The following DPYD variants were observed in gnomAD, a reference collection of about 807,000 sequenced individuals.
The protein encoded by DPYD is dihydropyrimidine dehydrogenase.
In DPYD, 109 loss-of-function variants were observed where a neutral mutation model predicts 116.2. The ratio of observed to expected loss-of-function variants is 0.94; its 90% CI spans 0.80 to 1.10. The LOEUF (loss-of-function observed/expected upper bound fraction) is 1.10, where lower values mean the gene tolerates loss of function less well. Among genes scored for constraint, DPYD ranks in the 50% least tolerant of loss-of-function variants. DPYD has a pLI of 0.00. For synonymous variants in DPYD, 440 were observed against 432.0 expected (o/e 1.02, Z -0.23); for missense variants, 1,302 against 1,254.5 (o/e 1.04, Z -0.57).
chr1:97,920,993 C>T lies in DPYD; in HGVS notation c.-71G>A. 1 of 1,537,484 alleles carries T rather than the reference C, an allele frequency of 6.5e-7. No homozygotes were observed. The highest frequency in any genetic ancestry group is 2.5e-5 in the East Asian group (1 of 40,766). ...CGTCCTCAAGCTCCAGCCAGAGAGC[C>T]AAGTGACAGCAGCCGGAGCGCGAGT... On this transcript the variant is annotated 5_prime_UTR_variant, in exon 1 of 23. Coordinates refer to ENST00000370192, the MANE Select transcript of DPYD (RefSeq NM_000110.4).
chr1:97,194,149 A>G (rs1175296005), intron 19 of DPYD, among the ~76,000 whole-genome samples: 1 of 152,184 alleles, frequency 6.6e-6, no homozygotes, highest in Non-Finnish European at 1.5e-5. Context: ...ATGAATGAAT[A>G]ATGATGATAT....
chr1:97,354,437 G>A (rs1363822383), intron 16 of DPYD, among the ~76,000 whole-genome samples: 1 of 152,252 alleles, frequency 6.6e-6, no homozygotes, highest in East Asian at 1.9e-4. Context: ...TAAACAAAAT[G>A]ATTTTTGAGT....
At chr1:97,537,070 A>G (rs908481520) in intron 12 of DPYD, among the ~76,000 whole-genome samples, 1 of 152,316 alleles carries the variant, frequency 6.6e-6, no homozygotes. Flanking sequence ...GATAATGATA[A>G]CAAGTGTCTT....
chr1:97,447,135 G>T (rs531744359), intron 14 of DPYD, among the ~76,000 whole-genome samples: 34 of 152,284 alleles, frequency 2.2e-4, no homozygotes, highest in African/African-American at 7.5e-4. Flanking sequence ...TGGAAACAGA[G>T]ACATTAGCTA....
At chr1:97,340,078 TAA>T (rs1377883655) in intron 16 of DPYD, among the ~76,000 whole-genome samples, 1 of 151,892 alleles carries the variant, frequency 6.6e-6, no homozygotes, top group Non-Finnish European at 1.5e-5. Context: ...ATTTCCAAAT[TAA>T]GAGACTTTTA....
intron 16 of DPYD, among the ~76,000 whole-genome samples, chr1:97,334,114 T>C (rs922737411): frequency 2.6e-5 from 4 of 152,210 alleles, no homozygotes; most frequent in Non-Finnish European, 5.9e-5. Flanking sequence ...ATTATAATGA[T>C]ACTTGGGGAT....
chr1:97,102,396 C>CATATATAT (rs372249411), intron 20 of DPYD, among the ~76,000 whole-genome samples: 11,741 of 97,008 alleles, frequency 0.12, 1,178 homozygotes, highest in African/African-American at 0.21. Flanking sequence ...CACTCAGTAT[C>CATATATAT]ATATATATAT....
intron 2 of DPYD, among the ~76,000 whole-genome samples, chr1:97,881,180 G>A (rs1212644811): frequency 1.3e-5 from 2 of 152,016 alleles, no homozygotes; most frequent in Non-Finnish European, 2.9e-5. Context: ...TATATTTGGA[G>A]AGAGAGTCTT....
intron 12 of DPYD, among the ~76,000 whole-genome samples, chr1:97,521,209 C>T (rs1648634945): frequency 6.6e-6 from 1 of 152,180 alleles, no homozygotes; most frequent in Non-Finnish European, 1.5e-5. Context: ...TTTTGATTTG[C>T]ATTTCTCTAA....
intron 18 of DPYD, among the ~76,000 whole-genome samples, chr1:97,279,518 T>C (rs1157680565): frequency 6.6e-6 from 1 of 152,042 alleles, no homozygotes; most frequent in Non-Finnish European, 1.5e-5. Context: ...TGTTTGTTTG[T>C]TTGTTTACTT....
At chr1:97,095,423 A>G (rs1314541252) in intron 21 of DPYD, among the ~76,000 whole-genome samples, 1 of 152,132 alleles carries the variant, frequency 6.6e-6, no homozygotes, top group African/African-American at 2.4e-5. Context: ...ATAAAGTTAT[A>G]ACTGTACATG....
intron 20 of DPYD, among the ~76,000 whole-genome samples, chr1:97,101,887 G>A (rs1165491227): frequency 1.3e-5 from 2 of 151,918 alleles, no homozygotes; most frequent in African/African-American, 4.8e-5. Context: ...AGTTTCTCCA[G>A]GGATTCATCA....
chr1:97,642,053 A>G (rs1657939257), intron 8 of DPYD, among the ~76,000 whole-genome samples: 1 of 152,182 alleles, frequency 6.6e-6, no homozygotes, highest in Admixed American at 6.6e-5. Context: ...AGGGGTGTGA[A>G]GGACCTCCTC....
At chr1:97,635,868 G>A (rs1308270404) in intron 8 of DPYD, among the ~76,000 whole-genome samples, 1 of 152,128 alleles carries the variant, frequency 6.6e-6, no homozygotes, top group Non-Finnish European at 1.5e-5. Context: ...TGCCCTGGCT[G>A]GAATGCAGTG....
chr1:97,423,711 G>A (rs1674710737), intron 14 of DPYD, among the ~76,000 whole-genome samples: 1 of 152,026 alleles, frequency 6.6e-6, no homozygotes, highest in African/African-American at 2.4e-5. Context: ...TCAGACAATT[G>A]AATCACCAAC....
chr1:97,373,757 C>G, intron 15 of DPYD, 113 bp from the exon 16 acceptor site: 1 of 902,198 alleles, frequency 1.1e-6, no homozygotes, highest in Non-Finnish European at 1.8e-6. Flanking sequence ...ATTCTGTTTT[C>G]TGCATCACAG....
At chr1:97,228,922 G>A (rs995875474) in intron 19 of DPYD, among the ~76,000 whole-genome samples, 5 of 152,118 alleles carry the variant, frequency 3.3e-5, no homozygotes, top group Admixed American at 1.3e-4. Flanking sequence ...GGCTGGGTGC[G>A]GTGGCTCATG....
intron 16 of DPYD, among the ~76,000 whole-genome samples, chr1:97,321,437 A>G (rs1344212346): frequency 5.4e-5 from 2 of 37,320 alleles, no homozygotes; most frequent in Non-Finnish European, 1.4e-4. Flanking sequence ...ATGAACAGAC[A>G]CTTCTCAAAA....
chr1:97,277,780 C>T (rs1665043330), intron 18 of DPYD, among the ~76,000 whole-genome samples: 1 of 152,178 alleles, frequency 6.6e-6, no homozygotes, highest in Admixed American at 6.5e-5. Flanking sequence ...GTCTGCTACA[C>T]AACAGCCATG....
Sources: gnomAD v4.1 joint callset for allele counts (sites outside exome capture counted in the v4.1 genomes callset) on GRCh38, gnomAD v4.1.1 for gene constraint, MANE v1.5 for transcripts, NCBI Gene and HGNC (gene_info 2026-07-23, HGNC 2026-07-21) for gene names.